Variants in RALGAPA2 observed in about 807,000 individuals in gnomAD.
The protein encoded by RALGAPA2 is Ral GTPase activating protein catalytic subunit alpha 2.
A neutral mutation model predicts 230.4 loss-of-function variants in RALGAPA2; 139 were observed. The ratio of observed to expected loss-of-function variants is 0.60; its 90% CI spans 0.53 to 0.69. The LOEUF is 0.69. Among genes scored for constraint, RALGAPA2 ranks in the 30% least tolerant of loss-of-function variants. The pLI is 0.00. For missense variants in RALGAPA2, 2,163 were observed against 2,276.0 expected (o/e 0.95, Z 1.01); for synonymous variants, 847 against 837.8 (o/e 1.01, Z -0.19).
rs1024455196 is a variant in RALGAPA2, at chr20:20,398,870, G to A, written c.5618-2136C>T. Among the ~76,000 whole-genome samples the A allele has an allele frequency of 2.0e-5, 3 of 152,190 alleles. No homozygotes were observed. Among genetic ancestry groups the A allele is most frequent in the African/African-American group, 7.2e-5 (3 of 41,450 alleles). The stretch of plus-strand genomic sequence containing the variant: ...TCTGGGAGAAAAGTTACAGCATGCA[G>A]TCTAATGAGGGGATATCACCCCTTG... On this transcript the variant is annotated intron_variant, in intron 38 of 39. Coordinates refer to ENST00000202677, the MANE Select transcript of RALGAPA2 (RefSeq NM_020343.4). This position sits in a 1 kb window ranked among gnomAD's most constrained non-coding sequence, Gnocchi z 4.5.
At chr20:20,648,107 A>G (rs2067276748) in intron 4 of RALGAPA2, among the ~76,000 whole-genome samples, 1 of 152,216 alleles carries the variant, frequency 6.6e-6, no homozygotes, top group Admixed American at 6.5e-5. Context: ...ACCTGAATAA[A>G]TTATGGAATT....
At position 20,712,603 on chromosome 20, in the gene RALGAPA2, T is replaced by TGCCGCTGCC. The variant is rs1555833908; in HGVS notation, c.-124_-123insGGCAGCGGC. On this transcript the variant is annotated 5_prime_UTR_variant, in exon 1 of 40. Transcript: ENST00000202677. This position sits in a 1 kb window ranked among gnomAD's most constrained non-coding sequence, Gnocchi z 5.5. The stretch of plus-strand genomic sequence containing the variant: ...CACTCGCCGCCCCCAGCCCCGCTGC[T>TGCCGCTGCC]GCCGCCGCCGCCGCCGCCGCCGCCG... 61 of 1,179,366 alleles carry TGCCGCTGCC rather than the reference T, an allele frequency of 5.2e-5. No homozygotes were observed. Among genetic ancestry groups the TGCCGCTGCC allele is most frequent in the African/African-American group, 1.5e-4 (9 of 61,644 alleles). The allele number at this position is 1,179,366 out of a possible 1,614,324, so 73.1% of individuals were successfully genotyped here. A position where few individuals can be genotyped will look rare whatever the true frequency, so the allele number is the denominator to read the frequency against.
intron 26 of RALGAPA2, among the ~76,000 whole-genome samples, chr20:20,534,306 A>G (rs1415499469): frequency 6.6e-6 from 1 of 151,902 alleles, no homozygotes; most frequent in Admixed American, 6.6e-5. Context: ...TTAGCCGGGC[A>G]TGGTGGCAGG....
At chr20:20,620,213 G>C (rs921391212) in intron 11 of RALGAPA2, among the ~76,000 whole-genome samples, 1 of 152,212 alleles carries the variant, frequency 6.6e-6, no homozygotes, top group African/African-American at 2.4e-5. Flanking sequence ...TCCTGCAACA[G>C]TGACCAACAA....
At chr20:20,710,962 T>C (rs926759702) in intron 1 of RALGAPA2, among the ~76,000 whole-genome samples, 5 of 152,204 alleles carry the variant, frequency 3.3e-5, no homozygotes, top group African/African-American at 1.2e-4. Flanking sequence ...AACCTGTGTA[T>C]TGTGCAACCT....
chr20:20,655,982 T>C (rs917940852), intron 3 of RALGAPA2, among the ~76,000 whole-genome samples: 1 of 152,192 alleles, frequency 6.6e-6, no homozygotes, highest in African/African-American at 2.4e-5. Context: ...CTGGACATCC[T>C]GCCATTTGAG....
Position 20,526,305 on chromosome 20 carries a change from A to G in RALGAPA2, c.3640T>C (p.Tyr1214His). The change falls in exon 28 of 40, where the codon TAC becomes CAC. Residue 1214 changes from tyrosine to histidine, a missense_variant. Transcript: ENST00000202677. ...TCAAACATCTGAAGCTTCTCCCAGT[A>G]GGAAACCAGCAACTGAAGGACATCG... The part of the protein sequence containing the change: ...ACDVLQLLVS[Y>H]WEKLQMFETS... The G allele has an allele frequency of 6.2e-7, 1 of 1,608,990 alleles. No individual in the cohort carries two copies. The highest frequency in any genetic ancestry group is 1.3e-5 in the African/African-American group (1 of 74,734).
At chr20:20,503,304 C>T (rs1041192483) in intron 35 of RALGAPA2, 47 bp downstream of exon 35, 1 of 1,422,462 alleles carries the variant, frequency 7.0e-7, no homozygotes, top group Non-Finnish European at 9.5e-7. Flanking sequence ...GAGAGCCTCA[C>T]CTACAAACCA....
At chr20:20,483,559 A>G (rs1322185380) in intron 36 of RALGAPA2, among the ~76,000 whole-genome samples, 1 of 152,132 alleles carries the variant, frequency 6.6e-6, no homozygotes, top group Non-Finnish European at 1.5e-5. Flanking sequence ...TCAAGGCTCA[A>G]TCTGTACGAC....
chr20:20,545,512 T>C (rs1329589298), intron 24 of RALGAPA2, among the ~76,000 whole-genome samples: 5 of 152,188 alleles, frequency 3.3e-5, no homozygotes, highest in Non-Finnish European at 4.4e-5. Flanking sequence ...AACAATTTAA[T>C]TTAAAACCAA....
At position 20,605,539 on chromosome 20, in the gene RALGAPA2, T is replaced by C. The variant is rs546660668; in HGVS notation, c.1801-127A>G. 2.3e-5 allele frequency: 18 copies of C among 769,100 alleles called. No homozygotes were observed. The African/African-American group carries it at 2.8e-4, about 12-fold the overall frequency. 47.6% of individuals were successfully genotyped at this position (769,100 alleles called of 1,614,324 possible). On this transcript the variant is annotated intron_variant, in intron 14 of 39. Transcript: ENST00000202677. Reference sequence around the variant, plus strand: ...AAATAAAAAGTACTTTTGGAAGTTGTTTTTCTTTTAATTCTCAAAATTCAT... The same window carrying C: ...AAATAAAAAGTACTTTTGGAAGTTGCTTTTCTTTTAATTCTCAAAATTCAT...
At chr20:20,562,606 C>G (rs2064291336) in intron 23 of RALGAPA2, among the ~76,000 whole-genome samples, 1 of 152,040 alleles carries the variant, frequency 6.6e-6, no homozygotes, top group Non-Finnish European at 1.5e-5. Context: ...CAAAGGAAAC[C>G]AAACAAAACT....
intron 37 of RALGAPA2, among the ~76,000 whole-genome samples, chr20:20,463,015 T>G (rs2061337855): frequency 6.6e-6 from 1 of 152,118 alleles, no homozygotes; most frequent in African/African-American, 2.4e-5. Context: ...GATTAAGAGG[T>G]TCTGATGTCT....
chr20:20,502,435 A>G (rs896724630), intron 35 of RALGAPA2, among the ~76,000 whole-genome samples: 1 of 152,206 alleles, frequency 6.6e-6, no homozygotes, highest in Non-Finnish European at 1.5e-5. Flanking sequence ...GTGCTAAGCA[A>G]TTTTATAGGA....
At chr20:20,694,527 C>T (rs931254827) in intron 1 of RALGAPA2, among the ~76,000 whole-genome samples, 1 of 152,182 alleles carries the variant, frequency 6.6e-6, no homozygotes, top group African/African-American at 2.4e-5. Context: ...CCCTTCTGGT[C>T]ACTGGGCAGT....
intron 37 of RALGAPA2, among the ~76,000 whole-genome samples, chr20:20,460,831 C>A (rs116241455): frequency 6.6e-6 from 1 of 152,124 alleles, no homozygotes; most frequent in Non-Finnish European, 1.5e-5. Context: ...TGACCTGCTA[C>A]CTTATTGAAT....
chr20:20,513,031 T>A lies in RALGAPA2; in HGVS notation c.4338A>T (p.Gly1446=), dbSNP rs1221738578. The A allele has an allele frequency of 3.1e-6, 5 of 1,613,228 alleles. No individual in the cohort carries two copies. The highest frequency in any genetic ancestry group is 1.7e-5 in the Admixed American group (1 of 59,918). Residue 1446 remains glycine, a synonymous_variant, in exon 32 of 40, where the codon GGA becomes GGT. Transcript: ENST00000202677. ...AGCCCACTGGTGATCCCCCTACCGG[T>A]CCTTCTGTGGGTGTCTGAAGGTAGG... is the stretch of plus-strand genomic sequence containing the variant. ...LISYLQTPTE[G]PVGGSPVGSL... is the part of the protein sequence containing the mutation.
At chr20:20,634,969 T>A (rs2066807995) in intron 9 of RALGAPA2, among the ~76,000 whole-genome samples, 1 of 152,206 alleles carries the variant, frequency 6.6e-6, no homozygotes, top group Non-Finnish European at 1.5e-5. Context: ...AATCCTGAGC[T>A]GCTGATCTAC....
chr20:20,407,191 C>T (rs940280008), intron 38 of RALGAPA2, among the ~76,000 whole-genome samples: 1 of 152,176 alleles, frequency 6.6e-6, no homozygotes. Flanking sequence ...GTTCAACATT[C>T]TATGATGTTC....
Sources: gnomAD v4.1 joint callset for allele counts (sites outside exome capture counted in the v4.1 genomes callset) on GRCh38, gnomAD v4.1.1 for gene constraint, Gnocchi (gnomAD v3.1) non-coding constraint, MANE v1.5 for transcripts, NCBI Gene and HGNC (gene_info 2026-07-23, HGNC 2026-07-21) for gene names.